SLIT2: variants seen among roughly 807,000 people sequenced by gnomAD.
SLIT2 encodes slit guidance ligand 2.
Under a neutral mutation model 185.7 loss-of-function variants are expected in SLIT2, and 41 were observed. The observed-to-expected ratio is 0.22, with a 90% CI of 0.17 to 0.29. SLIT2 has a LOEUF of 0.29. Among genes scored for constraint, SLIT2 ranks in the 10% least tolerant of loss-of-function variants. The probability of loss-of-function intolerance (pLI) is 1.00; values close to 1 mark genes in which losing one functional copy is unlikely to be tolerated. For synonymous variants in SLIT2, 693 were observed against 680.2 expected, an observed-to-expected ratio of 1.02 and a Z score of -0.29; for missense variants, 1,571 against 1,909.0, an observed-to-expected ratio of 0.82 and a Z score of 3.30.
intron 29 of SLIT2, among the ~76,000 whole-genome samples, chr4:20,574,890 T>C (rs575321371): frequency 6.6e-6 from 1 of 152,270 alleles, no homozygotes; most frequent in African/African-American, 2.4e-5. Flanking sequence ...GATGATTTAC[T>C]GTGTTTGCTG....
intron 4 of SLIT2, among the ~76,000 whole-genome samples, chr4:20,416,876 G>T (rs1727731051): frequency 6.6e-6 from 1 of 151,850 alleles, no homozygotes; most frequent in Non-Finnish European, 1.5e-5. Flanking sequence ...AGTTAAGCCT[G>T]ATCTTAAGTG....
At chr4:20,300,604 GCACA>G (rs3046031) in intron 4 of SLIT2, among the ~76,000 whole-genome samples, 6 of 151,152 alleles carry the variant, frequency 4.0e-5, no homozygotes, top group African/African-American at 1.2e-4. Flanking sequence ...GTGCAGACAT[GCACA>G]CACACACACA....
In SLIT2 at chr4:20,610,067, T is replaced by G; in HGVS notation, c.3747T>G (p.Asp1249Glu). 6.2e-7 allele frequency: 1 copy of G among 1,613,748 alleles called. No individual in the cohort carries two copies. The highest frequency in any genetic ancestry group is 8.5e-7 in the Non-Finnish European group (1 of 1,179,738). ...ACATTGTGGAACTACTTGCCTTGGATCAGAGTCTCTCTTTGTCCGTGGATG... is the reference window on the plus strand; with the variant it reads ...ACATTGTGGAACTACTTGCCTTGGAGCAGAGTCTCTCTTTGTCCGTGGATG... ...NFHIVELLAL[D>E]QSLSLSVDGG... The change falls in exon 34 of 37, where the codon GAT becomes GAG. Residue 1249 changes from aspartate (D) to glutamate (E), a missense_variant. By Grantham distance (45) the Asp-to-Glu change is conservative. Coordinates refer to ENST00000504154, the MANE Select transcript of SLIT2 (RefSeq NM_004787.4).
At chr4:20,408,517 A>G (rs1398949117) in intron 4 of SLIT2, among the ~76,000 whole-genome samples, 1 of 143,632 alleles carries the variant, frequency 7.0e-6, no homozygotes, top group East Asian at 2.0e-4. Context: ...TTTCCCCTGC[A>G]GGACGAAATT....
intron 4 of SLIT2, among the ~76,000 whole-genome samples, chr4:20,322,189 A>G (rs1414181811): frequency 6.6e-6 from 1 of 152,200 alleles, no homozygotes; most frequent in Non-Finnish European, 1.5e-5. Flanking sequence ...GTTTCAGTCA[A>G]TTTAAGAAGT....
intron 4 of SLIT2, among the ~76,000 whole-genome samples, chr4:20,360,203 T>C (rs1191501167): frequency 6.6e-6 from 1 of 152,172 alleles, no homozygotes; most frequent in African/African-American, 2.4e-5. Flanking sequence ...AAAAGTTCAA[T>C]AAATATCAAC....
chr4:20,350,449 A>G (rs1299229780), intron 4 of SLIT2, among the ~76,000 whole-genome samples: 1 of 152,184 alleles, frequency 6.6e-6, no homozygotes, highest in East Asian at 1.9e-4. Context: ...AGATATAGTG[A>G]ATCATTGTCA....
At chr4:20,348,513 C>T (rs546120938) in intron 4 of SLIT2, among the ~76,000 whole-genome samples, 20 of 152,010 alleles carry the variant, frequency 1.3e-4, no homozygotes, top group African/African-American at 4.1e-4. Context: ...CCTCCCAAAG[C>T]GCTGGGATTA....
intron 3 of SLIT2, among the ~76,000 whole-genome samples, chr4:20,265,661 T>A (rs2109023117): frequency 6.6e-6 from 1 of 152,022 alleles, no homozygotes; most frequent in African/African-American, 2.4e-5. Flanking sequence ...TTTCAGTTTT[T>A]TTTTTCTGAA....
In SLIT2 at chr4:20,620,421, C is replaced by T. The variant is rs1247854266; in HGVS notation, c.*1412C>T. 1 of 455,578 alleles carries T rather than the reference C, an allele frequency of 2.2e-6. No individual in the cohort carries two copies. The highest frequency in any genetic ancestry group is 2.4e-5 in the Admixed American group (1 of 42,394). 28.2% of individuals were successfully genotyped at this position (455,578 alleles called of 1,614,324 possible). ...AATCCCAGGGTGCCCTGTAAAGATG[C>T]AGATGTTTCTTCCTGAAAACTTCTT... is the stretch of plus-strand genomic sequence containing the variant. On this transcript the variant is annotated 3_prime_UTR_variant, in exon 37 of 37. Transcript: ENST00000504154.
At chr4:20,448,405 T>G (rs927403891) in intron 4 of SLIT2, among the ~76,000 whole-genome samples, 1 of 152,086 alleles carries the variant, frequency 6.6e-6, no homozygotes, top group Admixed American at 6.5e-5. Context: ...CACTGCAAAC[T>G]GTGCTTCCAG....
intron 4 of SLIT2, among the ~76,000 whole-genome samples, chr4:20,369,221 GTCC>G (rs1427101691): frequency 6.6e-6 from 1 of 152,052 alleles, no homozygotes; most frequent in Non-Finnish European, 1.5e-5. Context: ...TGCTGTCTCT[GTCC>G]TCATTGATGT....
intron 5 of SLIT2, among the ~76,000 whole-genome samples, chr4:20,476,822 A>G (rs1716159923): frequency 1.3e-5 from 2 of 152,222 alleles, no homozygotes; most frequent in African/African-American, 4.8e-5. Context: ...ATGATGGACT[A>G]GCATCTCTGT....
intron 11 of SLIT2, among the ~76,000 whole-genome samples, chr4:20,511,594 T>TTTTTTTTTTTA (rs1173070448): frequency 2.6e-5 from 3 of 115,472 alleles, no homozygotes; most frequent in Admixed American, 8.7e-5. Flanking sequence ...CTAATTTTTT[T>TTTTTTTTTTTA]TTTTTTTTTA....
intron 29 of SLIT2, among the ~76,000 whole-genome samples, chr4:20,587,235 T>G (rs1727139799): frequency 6.6e-6 from 1 of 152,058 alleles, no homozygotes; most frequent in Non-Finnish European, 1.5e-5. Flanking sequence ...GCCAAGCTGG[T>G]CTCGAACTCC....
intron 4 of SLIT2, among the ~76,000 whole-genome samples, chr4:20,271,844 A>G (rs956484137): frequency 2.0e-5 from 3 of 152,008 alleles, no homozygotes; most frequent in Admixed American, 1.3e-4. Context: ...CCCTTTGACT[A>G]GTGGTTGAAA....
In SLIT2 at chr4:20,323,556, C is replaced by T. The variant is rs571068540; in HGVS notation, c.395+54675C>T. On this transcript the variant is annotated intron_variant, in intron 4 of 36. Coordinates refer to ENST00000504154, the MANE Select transcript of SLIT2 (RefSeq NM_004787.4). ...TCTTTTTTTTTTCCCCTGAGATTTT[C>T]CACAAGGGAAGTGGAGGAAGAAAAC... is the stretch of plus-strand genomic sequence containing the variant. Among the ~76,000 whole-genome samples, 112 of 151,934 alleles carry T rather than the reference C, an allele frequency of 7.4e-4. No homozygotes were observed. In the South Asian group the frequency reaches 0.023, roughly 31 times the overall value.
At position 20,598,381 on chromosome 4, in the gene SLIT2, T is replaced by G. The variant is rs1728147452; in HGVS notation, c.3678T>G (p.Ala1226=). 2 of 1,613,996 alleles carry G rather than the reference T, an allele frequency of 1.2e-6. No individual in the cohort carries two copies. The highest frequency in any genetic ancestry group is 1.3e-5 in the African/African-American group (1 of 74,922). The change falls in exon 33 of 37, where the codon GCT becomes GCG. Residue 1226 remains alanine (A), a synonymous_variant. Coordinates refer to ENST00000504154, the MANE Select transcript of SLIT2 (RefSeq NM_004787.4). ...RASYDTGSHP[A]SAIYSVETIN... is the part of the protein sequence containing the mutation. ...GCTATGACACCGGCTCTCATCCAGC[T>G]TCTGCCATTTACAGGTGAAGATCTC...
At chr4:20,342,830 A>G (rs956439963) in intron 4 of SLIT2, among the ~76,000 whole-genome samples, 5 of 148,846 alleles carry the variant, frequency 3.4e-5, no homozygotes. Context: ...ATAGTGGTAC[A>G]TGATTAGAAG....
Sources: gnomAD v4.1 joint callset for allele counts (sites outside exome capture counted in the v4.1 genomes callset) on GRCh38, gnomAD v4.1.1 for gene constraint, MANE v1.5 for transcripts, NCBI Gene and HGNC (gene_info 2026-07-23, HGNC 2026-07-21) for gene names.